The following MCU variants were observed in gnomAD, a reference collection of about 807,000 sequenced individuals.
The protein encoded by MCU is calcium uniporter protein, mitochondrial.
MCU carries 12 observed loss-of-function variants against 45.2 expected under a neutral mutation model. The observed-to-expected ratio is 0.27, with a 90% CI of 0.17 to 0.43. The LOEUF (loss-of-function observed/expected upper bound fraction) is 0.43, where lower values mean the gene tolerates loss of function less well. Ranked by LOEUF, MCU falls within the 20% of genes least tolerant of loss-of-function variation. The probability of loss-of-function intolerance (pLI) is 1.00; values close to 1 mark genes in which losing one functional copy is unlikely to be tolerated. For synonymous variants in MCU, 160 were observed against 165.1 expected (o/e 0.97, Z 0.24); for missense variants, 324 against 436.7 (o/e 0.74, Z 2.30).
At chr10:72,723,128 G>A (rs1001844941) in intron 1 of MCU, among the ~76,000 whole-genome samples, 3 of 152,090 alleles carry the variant, frequency 2.0e-5, no homozygotes, top group South Asian at 2.1e-4. Flanking sequence ...CCCAGGAGGC[G>A]GAGCTTGCAG....
chr10:72,869,938 C>T (rs902733537), intron 5 of MCU, among the ~76,000 whole-genome samples: 3 of 152,032 alleles, frequency 2.0e-5, no homozygotes, highest in Non-Finnish European at 4.4e-5. Context: ...AGTGTGCATA[C>T]TATGATCCAA....
At chr10:72,787,773 C>T (rs1844097236) in intron 1 of MCU, among the ~76,000 whole-genome samples, 1 of 151,040 alleles carries the variant, frequency 6.6e-6, no homozygotes, top group Non-Finnish European at 1.5e-5. Context: ...GGCTGGAGTG[C>T]AGTGGTGTGA....
intron 1 of MCU, among the ~76,000 whole-genome samples, chr10:72,791,853 A>C (rs1371854631): frequency 3.3e-5 from 5 of 149,272 alleles, no homozygotes; most frequent in Non-Finnish European, 6.0e-5. Context: ...AAAAAAAAAA[A>C]CTAAAAAGAT....
In MCU at chr10:72,859,277, T is replaced by G. The variant is rs201168688; in HGVS notation, c.321T>G (p.Ser107=). ...CQFTLKPISD[S]VGVFLRQLQE... ...TCACACTCAAGCCTATCTCTGACTC[T>G]GTTGGTGTATTTTTACGACAACTGC... is the stretch of plus-strand genomic sequence containing the variant. Residue 107 remains serine, a synonymous_variant, in exon 3 of 8, where the codon TCT becomes TCG. Coordinates refer to ENST00000373053, the MANE Select transcript of MCU (RefSeq NM_138357.3). 2 of 1,613,996 alleles carry G rather than the reference T, an allele frequency of 1.2e-6. No individual in the cohort carries two copies.
chr10:72,696,199 T>C (rs1222888312), intron 1 of MCU, among the ~76,000 whole-genome samples: 1 of 146,032 alleles, frequency 6.8e-6, no homozygotes, highest in East Asian at 2.0e-4. Context: ...TTTTTTTTTT[T>C]TTTTTTTGGT....
intron 1 of MCU, among the ~76,000 whole-genome samples, chr10:72,806,365 G>T (rs989282702): frequency 1.3e-5 from 2 of 151,992 alleles, no homozygotes; most frequent in African/African-American, 4.8e-5. Context: ...TCTCCATGTT[G>T]GTCAGGCTGG....
At chr10:72,709,246 A>T (rs1310977339) in intron 1 of MCU, among the ~76,000 whole-genome samples, 1 of 152,188 alleles carries the variant, frequency 6.6e-6, no homozygotes, top group African/African-American at 2.4e-5. Context: ...TGTATTTTGC[A>T]CTGCCAGAAT....
chr10:72,820,534 C>T (rs896346992), intron 1 of MCU, among the ~76,000 whole-genome samples: 1 of 148,684 alleles, frequency 6.7e-6, no homozygotes, highest in Non-Finnish European at 1.5e-5. Flanking sequence ...TTTTCCGAAA[C>T]GGAGTCTCAC....
At chr10:72,801,627 G>A (rs1844342631) in intron 1 of MCU, among the ~76,000 whole-genome samples, 1 of 146,328 alleles carries the variant, frequency 6.8e-6, no homozygotes, top group African/African-American at 2.5e-5. Context: ...CTAACATCCT[G>A]TTTCCTGATG....
chr10:72,808,836 A>C (rs1289631368), intron 1 of MCU, among the ~76,000 whole-genome samples: 2 of 152,164 alleles, frequency 1.3e-5, no homozygotes, highest in Non-Finnish European at 2.9e-5. Flanking sequence ...AGATCTCGTG[A>C]GAACTCACTC....
intron 1 of MCU, among the ~76,000 whole-genome samples, chr10:72,807,401 C>T (rs1195011193): frequency 6.6e-6 from 1 of 151,660 alleles, no homozygotes; most frequent in East Asian, 1.9e-4. Context: ...CAGTGCTTCT[C>T]CTTGGAAATG....
At chr10:72,826,504 A>C (rs1844800797) in intron 1 of MCU, among the ~76,000 whole-genome samples, 1 of 152,208 alleles carries the variant, frequency 6.6e-6, no homozygotes, top group South Asian at 2.1e-4. Flanking sequence ...CAATATTGTT[A>C]TGTCAGCAAA....
At chr10:72,712,987 C>A (rs986560939) in intron 1 of MCU, among the ~76,000 whole-genome samples, 1 of 152,132 alleles carries the variant, frequency 6.6e-6, no homozygotes, top group South Asian at 2.1e-4. Flanking sequence ...CAGGGACTGT[C>A]GCTACGGCAA....
chr10:72,782,413 T>C (rs562648521), intron 1 of MCU, among the ~76,000 whole-genome samples: 11 of 152,292 alleles, frequency 7.2e-5, no homozygotes, highest in African/African-American at 2.4e-4. Context: ...TCTTGTCACC[T>C]GGGCTGGGGT....
intron 5 of MCU, 52 bp downstream of exon 5, chr10:72,868,915 CA>C: frequency 1.9e-6 from 3 of 1,554,354 alleles, no homozygotes; most frequent in Non-Finnish European, 2.6e-6. Flanking sequence ...TTTTCCAGAG[CA>C]TATATGTTTC....
intron 1 of MCU, among the ~76,000 whole-genome samples, chr10:72,716,955 G>C (rs1274851536): frequency 1.3e-5 from 2 of 152,114 alleles, no homozygotes; most frequent in Non-Finnish European, 2.9e-5. Flanking sequence ...TTGAGGACCA[G>C]AGTTATTCAA....
At chr10:72,817,464 C>G (rs1304410827) in intron 1 of MCU, among the ~76,000 whole-genome samples, 2 of 152,140 alleles carry the variant, frequency 1.3e-5, no homozygotes, top group African/African-American at 4.8e-5. Context: ...TGAATCTGTT[C>G]TTTAGACTTT....
At chr10:72,694,079 A>C (rs1842657585) in intron 1 of MCU, among the ~76,000 whole-genome samples, 1 of 152,228 alleles carries the variant, frequency 6.6e-6, no homozygotes, top group African/African-American at 2.4e-5. Context: ...TGAAGTGCTG[A>C]ATTTGTAACT....
In MCU at chr10:72,767,689, T is replaced by C. The variant is rs116290524; in HGVS notation, c.151-66670T>C. On this transcript the variant is annotated intron_variant, in intron 1 of 7. Transcript: ENST00000373053. ...TCTCTGCGTGTTAGGTTCTGATGAA[T>C]TTATAAGGGACAGAAATTAAGGATT... 7.1e-3 allele frequency among the ~76,000 whole-genome samples: 1,083 copies of C among 152,156 alleles called. 19 individuals carry two copies. Among genetic ancestry groups the C allele is most frequent in the African/African-American group, 0.025 (1,034 of 41,504 alleles).
Sources: allele counts gnomAD v4.1 joint callset (sites outside exome capture counted in the v4.1 genomes callset), GRCh38; gene constraint gnomAD v4.1.1; transcripts MANE v1.5; gene names NCBI Gene and HGNC (gene_info 2026-07-23, HGNC 2026-07-21).